SORCS1: variants seen among roughly 807,000 people sequenced by gnomAD.
SORCS1 encodes the protein VPS10 domain-containing receptor SorCS1.
Under a neutral mutation model 146.1 loss-of-function variants are expected in SORCS1, and 60 were observed. The observed-to-expected ratio is 0.41, with a 90% confidence interval of 0.33 to 0.51. The LOEUF (loss-of-function observed/expected upper bound fraction) is 0.51, where lower values mean the gene tolerates loss of function less well. Ranked by LOEUF, SORCS1 falls within the 20% of genes least tolerant of loss-of-function variation. The pLI is 0.21. For synonymous variants in SORCS1, 637 were observed against 584.0 expected, an observed-to-expected ratio of 1.09 and a Z score of -1.31; for missense variants, 1,352 against 1,487.6, an observed-to-expected ratio of 0.91 and a Z score of 1.50.
At chr10:106,902,768 A>G (rs1035228965) in intron 2 of SORCS1, among the ~76,000 whole-genome samples, 1 of 152,242 alleles carries the variant, frequency 6.6e-6, no homozygotes, top group African/African-American at 2.4e-5. Flanking sequence ...CTGCATAACA[A>G]GACACCAGGG....
At chr10:106,667,544 C>T in intron 17 of SORCS1, 145 bp downstream of exon 17, 1 of 574,816 alleles carries the variant, frequency 1.7e-6, no homozygotes, top group Non-Finnish European at 3.1e-6. Context: ...CAAAGTTGTG[C>T]TTCATTGTTA....
chr10:107,057,527 G>C (rs1176734208), intron 1 of SORCS1, among the ~76,000 whole-genome samples: 1 of 152,124 alleles, frequency 6.6e-6, no homozygotes, highest in East Asian at 1.9e-4. Flanking sequence ...CCCAAACCAA[G>C]TAATTCTTTC....
Position 107,127,879 on chromosome 10 carries a change from C to G in SORCS1, c.558+36090G>C, listed in dbSNP as rs1363074589. 2.0e-5 allele frequency among the ~76,000 whole-genome samples: 3 copies of G among 152,202 alleles called. No individual in the cohort carries two copies. The East Asian group carries it at 5.8e-4, about 29-fold the overall frequency. ...AGGCATACCTGGCTTTAAAACTTAT[C>G]TCTTTCCTTTACTAGCTGTGTGAAC... On this transcript the variant is annotated intron_variant, in intron 1 of 25. Transcript: ENST00000263054.
At chr10:107,023,198 G>T (rs1321927852) in intron 1 of SORCS1, among the ~76,000 whole-genome samples, 1 of 152,198 alleles carries the variant, frequency 6.6e-6, no homozygotes, top group East Asian at 1.9e-4. Flanking sequence ...CACATGGTGT[G>T]CTATTGCAGA....
chr10:106,857,535 C>T (rs1949836780), intron 2 of SORCS1, among the ~76,000 whole-genome samples: 1 of 152,198 alleles, frequency 6.6e-6, no homozygotes, highest in Non-Finnish European at 1.5e-5. Flanking sequence ...TCCATTGCTC[C>T]TAGTGCATTT....
chr10:106,944,874 CTTTTTTTTTTTTTTTT>C (rs765355110), intron 2 of SORCS1, among the ~76,000 whole-genome samples: 2 of 36,576 alleles, frequency 5.5e-5, no homozygotes, highest in African/African-American at 1.0e-4. Context: ...AAAGAGCCTT[CTTTTTTTTTTTTTTTT>C]TTTTTTTTTT....
intron 9 of SORCS1, among the ~76,000 whole-genome samples, chr10:106,698,917 C>A (rs887172690): frequency 2.6e-5 from 4 of 152,188 alleles, no homozygotes; most frequent in African/African-American, 9.6e-5. Context: ...ACATCACAAG[C>A]AGACCACTCT....
intron 1 of SORCS1, among the ~76,000 whole-genome samples, chr10:106,964,487 ATTTTATT>A (rs1257892918): frequency 6.8e-6 from 1 of 146,258 alleles, no homozygotes; most frequent in Non-Finnish European, 1.5e-5. Flanking sequence ...ATTTTATTTT[ATTTTATT>A]TTAACTTTTT....
At chr10:106,907,953 T>C (rs1951983033) in intron 2 of SORCS1, among the ~76,000 whole-genome samples, 2 of 152,118 alleles carry the variant, frequency 1.3e-5, no homozygotes, top group Admixed American at 1.3e-4. Flanking sequence ...GAAATTACTT[T>C]CTTGGGAGAG....
intron 1 of SORCS1, among the ~76,000 whole-genome samples, chr10:107,080,122 C>T (rs1038065736): frequency 1.3e-5 from 2 of 152,124 alleles, no homozygotes; most frequent in African/African-American, 2.4e-5. Flanking sequence ...GGTTCTTTTC[C>T]ATTTTTAGGA....
intron 1 of SORCS1, among the ~76,000 whole-genome samples, chr10:107,069,483 C>A (rs1174499168): frequency 6.6e-6 from 1 of 152,068 alleles, no homozygotes; most frequent in African/African-American, 2.4e-5. Context: ...TCAAGCGATT[C>A]TCCTGCCTCA....
chr10:107,003,170 G>A (rs1296846830), intron 1 of SORCS1, among the ~76,000 whole-genome samples: 2 of 151,928 alleles, frequency 1.3e-5, no homozygotes, highest in African/African-American at 2.4e-5. Flanking sequence ...CAGGAGAATC[G>A]CCTGAACCTG....
At chr10:107,140,325 T>C (rs142197933) in intron 1 of SORCS1, among the ~76,000 whole-genome samples, 72 of 152,350 alleles carry the variant, frequency 4.7e-4, no homozygotes, top group Non-Finnish European at 8.4e-4. Flanking sequence ...AAGTATGCTA[T>C]GTTAAAAGTT....
At chr10:106,834,021 C>T (rs1344960665) in intron 2 of SORCS1, among the ~76,000 whole-genome samples, 1 of 152,128 alleles carries the variant, frequency 6.6e-6, no homozygotes, top group Non-Finnish European at 1.5e-5. Flanking sequence ...TCTCGATCTC[C>T]TGACCTTGTG....
chr10:106,706,708 A>G (rs1854561029), intron 7 of SORCS1, 74 bp from the exon 8 acceptor site: 16 of 1,379,848 alleles, frequency 1.2e-5, no homozygotes, highest in Middle Eastern at 3.6e-4. Context: ...AGTCACCTGA[A>G]TGGAAGGAGG....
At chr10:106,885,944 C>T (rs1278507904) in intron 2 of SORCS1, among the ~76,000 whole-genome samples, 1 of 152,148 alleles carries the variant, frequency 6.6e-6, no homozygotes, top group Non-Finnish European at 1.5e-5. Context: ...GCCCCTCTAG[C>T]CATGTGCAAC....
chr10:106,718,037 G>A (rs181873755), intron 6 of SORCS1, among the ~76,000 whole-genome samples: 4 of 152,222 alleles, frequency 2.6e-5, no homozygotes, highest in East Asian at 1.9e-4. Context: ...AATTACTTTC[G>A]TCAGGGATGG....
chr10:106,929,773 G>GCACACACA (rs36086801), intron 2 of SORCS1, among the ~76,000 whole-genome samples: 87 of 150,382 alleles, frequency 5.8e-4, no homozygotes, highest in African/African-American at 2.0e-3. Context: ...ATGTGCACGT[G>GCACACACA]CACACACACA....
At position 106,578,871 on chromosome 10, in the gene SORCS1, G is replaced by T. The variant is rs1050074630; in HGVS notation, c.3371+498C>A. On this transcript the variant is annotated intron_variant, in intron 25 of 25. Coordinates refer to ENST00000263054, the MANE Select transcript of SORCS1 (RefSeq NM_052918.5). ...TTTTAGGGAGGGTTTTGCAAAAGGA[G>T]GAATAAACTAATGAGAGAAAAAAAC... The T allele has an allele frequency of 2.2e-6, 3 of 1,391,782 alleles. No homozygotes were observed. In the Admixed American group the frequency reaches 9.4e-5, roughly 44 times the overall value. 86.2% of individuals were successfully genotyped at this position (1,391,782 alleles called of 1,614,324 possible). A position where few individuals can be genotyped will look rare whatever the true frequency, so the allele number is the denominator to read the frequency against.
Sources: allele counts gnomAD v4.1 joint callset (sites outside exome capture counted in the v4.1 genomes callset), GRCh38; gene constraint gnomAD v4.1.1; transcripts MANE v1.5; gene names NCBI Gene and HGNC (gene_info 2026-07-23, HGNC 2026-07-21).